Variants in PRICKLE3 observed in about 807,000 individuals in gnomAD.
The protein encoded by PRICKLE3 is LIM domain only protein 6.
A neutral mutation model predicts 33.8 loss-of-function variants in PRICKLE3; 17 were observed. The observed-to-expected ratio is 0.50, with a 90% CI of 0.34 to 0.75. The LOEUF (loss-of-function observed/expected upper bound fraction) is 0.75, where lower values mean the gene tolerates loss of function less well. Among genes scored for constraint, PRICKLE3 ranks in the 30% least tolerant of loss-of-function variants. The probability of loss-of-function intolerance (pLI) is 0.01; values close to 1 mark genes in which losing one functional copy is unlikely to be tolerated. For synonymous variants in PRICKLE3, 211 were observed against 219.6 expected (o/e 0.96, Z 0.34); for missense variants, 573 against 576.7 (o/e 0.99, Z 0.07).
Position 49,183,964 on chromosome X carries a change from G to A in PRICKLE3, c.129-47C>T, listed in dbSNP as rs79781607. ...TCAATTACTAAGGAGTTGCCCACCC[G>A]AACCCCTCGGCAGCCCAGGTCCAAT... On this transcript the variant is annotated intron_variant, in intron 2 of 8. Coordinates refer to ENST00000599218, the MANE Select transcript of PRICKLE3 (RefSeq NM_006150.5). 58 of 1,171,459 alleles carry A rather than the reference G, an allele frequency of 5.0e-5. No homozygotes were observed. In the East Asian group the frequency reaches 1.5e-3, roughly 31 times the overall value.
intron 2 of PRICKLE3, among the ~76,000 whole-genome samples, chrX:49,184,414 C>T (rs1294950768): frequency 4.5e-5 from 5 of 111,415 alleles, no homozygotes; most frequent in African/African-American, 1.6e-4. Flanking sequence ...CTTCTGGGGG[C>T]GGGGCTGCGT....
At position 49,186,274 on chromosome X, in the gene PRICKLE3, C is replaced by T. The variant is rs782347174; in HGVS notation, c.24G>A (p.Arg8=). MFARGSR[R]RRSGRAPPEA... The stretch of plus-strand genomic sequence containing the variant: ...CGCTCACCGCACGCCCGGAGCGGCG[C>T]CTCCGGGACCCACGCGCGAACATGG... Residue 8 remains arginine, a synonymous_variant, in exon 1 of 9, where the codon AGG becomes AGA. Transcript: ENST00000599218. 7.8e-6 allele frequency: 9 copies of T among 1,151,679 alleles called. No individual in the cohort carries two copies. The African/African-American group carries it at 1.5e-4, about 19-fold the overall frequency. 94.9% of individuals were successfully genotyped at this position (1,151,679 alleles called of 1,213,427 possible).
chrX:49,182,512 C>T (rs1180093704), intron 3 of PRICKLE3, among the ~76,000 whole-genome samples: 1 of 112,877 alleles, frequency 8.9e-6, no homozygotes, highest in Non-Finnish European at 1.9e-5. Context: ...CCATCCCTTA[C>T]ATATGCCAAG....
intron 3 of PRICKLE3, among the ~76,000 whole-genome samples, chrX:49,183,392 T>C (rs2147876372): frequency 9.0e-6 from 1 of 111,435 alleles, no homozygotes; most frequent in South Asian, 3.7e-4. Flanking sequence ...ACCCTGTCTC[T>C]ACAAAAAAAT....
chrX:49,182,351 C>T (rs931812359), intron 3 of PRICKLE3, among the ~76,000 whole-genome samples: 32 of 111,689 alleles, frequency 2.9e-4, no homozygotes, highest in African/African-American at 9.8e-4. Flanking sequence ...CACCCTTATT[C>T]CTCCAGGCTG....
intron 3 of PRICKLE3, among the ~76,000 whole-genome samples, chrX:49,182,267 C>G (rs1469199200): frequency 9.0e-6 from 1 of 110,740 alleles, no homozygotes; most frequent in Non-Finnish European, 1.9e-5. Flanking sequence ...CTGTCTGTCT[C>G]TCTCTCCATA....
chrX:49,183,895 AT>A lies in PRICKLE3; in HGVS notation c.150del (p.Lys50AsnfsTer23). 1 of 1,206,909 alleles carries A rather than the reference AT, an allele frequency of 8.3e-7. No individual in the cohort carries two copies. The highest frequency in any genetic ancestry group is 1.1e-6 in the Non-Finnish European group (1 of 891,920). On this transcript the variant is annotated frameshift_variant, in exon 3 of 9. Coordinates refer to ENST00000599218, the MANE Select transcript of PRICKLE3 (RefSeq NM_006150.5). LOFTEE classifies it high-confidence loss of function. ...TGCACTGCATGCTCCTCCCGCGGGC[AT>A]TTGCAATGCTGGCAGATCTTTCTGA... ...HGWRKICQHC[K>X]CPREEHAVHA...
intron 3 of PRICKLE3, among the ~76,000 whole-genome samples, chrX:49,182,543 T>C (rs1277524481): frequency 8.9e-6 from 1 of 112,826 alleles, no homozygotes; most frequent in Admixed American, 9.4e-5. Context: ...CCTCAGGGCC[T>C]TGGCATTAGC....
chrX:49,180,682 C>T (rs1160910515), intron 3 of PRICKLE3, among the ~76,000 whole-genome samples: 2 of 111,661 alleles, frequency 1.8e-5, no homozygotes, highest in Admixed American at 1.9e-4. Context: ...GGCTCCTCCT[C>T]AACTAGCTGA....
chrX:49,180,954 C>T (rs1557100891), intron 3 of PRICKLE3, among the ~76,000 whole-genome samples: 2 of 110,653 alleles, frequency 1.8e-5, no homozygotes, highest in African/African-American at 6.6e-5. Context: ...CAAACTTATG[C>T]TCTTACCCCT....
At chrX:49,182,667 C>G (rs2065462668) in intron 3 of PRICKLE3, among the ~76,000 whole-genome samples, 1 of 111,967 alleles carries the variant, frequency 8.9e-6, no homozygotes, top group Non-Finnish European at 1.9e-5. Context: ...TTCTGGGCAC[C>G]CTATTTACAA....
Position 49,177,270 on chromosome X carries a change from G to A in PRICKLE3, c.956-68C>T, listed in dbSNP as rs2065424632. On this transcript the variant is annotated intron_variant, in intron 7 of 8. Coordinates refer to ENST00000599218, the MANE Select transcript of PRICKLE3 (RefSeq NM_006150.5). ...AGGCGTAACCCCACCCCTCGTGAAC[G>A]AGTCCCTTCTCAAGAAGAGGTGGGG... The A allele has an allele frequency of 4.9e-6, 5 of 1,023,815 alleles. No homozygotes were observed. The East Asian group carries it at 1.0e-4, about 21-fold the overall frequency. The allele number at this position is 1,023,815 out of a possible 1,213,427, so 84.4% of individuals were successfully genotyped here.
At position 49,175,926 on chromosome X, in the gene PRICKLE3, T is replaced by C. The variant is rs781814326; in HGVS notation, c.1595A>G (p.Tyr532Cys). 36 of 1,208,902 alleles carry C rather than the reference T, an allele frequency of 3.0e-5. No homozygotes were observed. Among genetic ancestry groups the C allele is most frequent in the Non-Finnish European group, 3.5e-5 (31 of 894,905 alleles). ...TGACCCTGATCCCGCGTCACATTGA[T>C]AGTGGCGACGTCTGCTTGGGTGGCG... ...HNRHPSRRRH[Y>C]QCDAGSGSDS... is the part of the protein sequence containing the mutation. Residue 532 changes from tyrosine to cysteine, a missense_variant, in exon 9 of 9, where the codon TAT becomes TGT. By Grantham distance (194) the Tyr-to-Cys change is radical. Coordinates refer to ENST00000599218, the MANE Select transcript of PRICKLE3 (RefSeq NM_006150.5).
intron 3 of PRICKLE3, among the ~76,000 whole-genome samples, chrX:49,183,345 C>A (rs2065466515): frequency 9.0e-6 from 1 of 110,926 alleles, no homozygotes; most frequent in Admixed American, 9.6e-5. Flanking sequence ...ATCACTTGAG[C>A]CCAGGAGTTC....
In PRICKLE3 at chrX:49,178,073, A is replaced by C; in HGVS notation, c.875T>G (p.Met292Arg). 8.5e-7 allele frequency: 1 copy of C among 1,172,179 alleles called. No individual in the cohort carries two copies. Among genetic ancestry groups the C allele is most frequent in the Non-Finnish European group, 1.1e-6 (1 of 873,895 alleles). ...GCAGCAGTGGGGGCGGCTCTGACGC[A>C]TGACATAGCGCTGCCCTCCTAGTGA... ...EASLGGQRYV[M>R]RQSRPHCCAC... The change falls in exon 7 of 9, where the codon ATG becomes AGG. Residue 292 changes from methionine (M) to arginine (R), a missense_variant. Met to Arg is a moderately conservative substitution (Grantham distance 91, BLOSUM62 -1). Coordinates refer to ENST00000599218, the MANE Select transcript of PRICKLE3 (RefSeq NM_006150.5).
At chrX:49,179,935 C>T in intron 3 of PRICKLE3, 129 bp from the exon 4 acceptor site, 2 of 418,580 alleles carry the variant, frequency 4.8e-6, no homozygotes, top group Middle Eastern at 6.3e-4. Flanking sequence ...CCTCATCTCT[C>T]CTTCCTAAAG....
At chrX:49,178,240 C>G (rs782071664) in intron 6 of PRICKLE3, 32 bp downstream of exon 6, 22 of 1,197,572 alleles carry the variant, frequency 1.8e-5, no homozygotes, top group Non-Finnish European at 2.4e-5. Flanking sequence ...TGCCCACCCT[C>G]AACTCCCACC....
chrX:49,178,459 C>T lies in PRICKLE3; in HGVS notation c.581G>A (p.Gly194Glu). Reference sequence around the variant, plus strand: ...GGCAAACACTGCGATGTCCCCACCTCCAATCTGCTTTCCGCACTGCCATGA... The same window carrying T: ...GGCAAACACTGCGATGTCCCCACCTTCAATCTGCTTTCCGCACTGCCATGA... ...AICEECGKQI[G>E]GGDIAVFASR... is the part of the protein sequence containing the mutation. Residue 194 changes from glycine to glutamate, a missense_variant, in exon 6 of 9, where the codon GGA becomes GAA. Gly to Glu is a moderately conservative substitution (Grantham distance 98). Coordinates refer to ENST00000599218, the MANE Select transcript of PRICKLE3 (RefSeq NM_006150.5). 1.7e-6 allele frequency: 2 copies of T among 1,209,477 alleles called. No individual in the cohort carries two copies. The highest frequency in any genetic ancestry group is 3.5e-5 in the South Asian group (2 of 56,902).
chrX:49,186,223 C>A, intron 1 of PRICKLE3, 33 bp downstream of exon 1: 1 of 1,154,982 alleles, frequency 8.7e-7, no homozygotes, highest in Non-Finnish European at 1.2e-6. Flanking sequence ...CAGTTTACCC[C>A]CGACCCCCAC....
Sources: allele counts gnomAD v4.1 joint callset (sites outside exome capture counted in the v4.1 genomes callset), GRCh38; gene constraint gnomAD v4.1.1; transcripts MANE v1.5; gene names NCBI Gene and HGNC (gene_info 2026-07-23, HGNC 2026-07-21).